TMEM164: variants seen among roughly 807,000 people sequenced by gnomAD.
The protein encoded by TMEM164 is transmembrane protein 164.
Under a neutral mutation model 18.8 loss-of-function variants are expected in TMEM164, and 4 were observed. The ratio of observed to expected loss-of-function variants is 0.21; its 90% CI spans 0.10 to 0.49. TMEM164 has a LOEUF of 0.49. Ranked by LOEUF, TMEM164 falls within the 20% of genes least tolerant of loss-of-function variation. The pLI is 0.98. For missense variants in TMEM164, 108 were observed against 239.9 expected (o/e 0.45, Z 3.63); for synonymous variants, 86 against 101.7 (o/e 0.85, Z 0.93).
intron 3 of TMEM164, among the ~76,000 whole-genome samples, chrX:110,098,272 T>C (rs1054297908): frequency 1.2e-4 from 13 of 111,817 alleles, no homozygotes; most frequent in Admixed American, 8.6e-4. Flanking sequence ...TGGTTTTCCA[T>C]GGTCTGTAGG....
intron 5 of TMEM164, among the ~76,000 whole-genome samples, 175 bp downstream of exon 5, chrX:110,145,051 C>T (rs973819935): frequency 9.0e-6 from 1 of 110,904 alleles, no homozygotes; most frequent in African/African-American, 3.3e-5. Context: ...ATGGACGAGG[C>T]CTGCAAGGGG....
At chrX:110,124,452 C>A (rs2066501823) in intron 4 of TMEM164, among the ~76,000 whole-genome samples, 4 of 111,037 alleles carry the variant, frequency 3.6e-5, no homozygotes, top group African/African-American at 9.8e-5. Context: ...ACGCCTAGGA[C>A]CTTGAGTGGA....
downstream of TMEM164, among the ~76,000 whole-genome samples, chrX:110,180,781 C>CT (rs1434969077): frequency 9.0e-6 from 1 of 111,368 alleles, no homozygotes; most frequent in African/African-American, 3.3e-5. Context: ...CAGAGCTGTT[C>CT]TCCTGTCCAA....
At chrX:110,146,115 C>A (rs926115313) in intron 5 of TMEM164, among the ~76,000 whole-genome samples, 2 of 112,211 alleles carry the variant, frequency 1.8e-5, no homozygotes, top group Non-Finnish European at 3.8e-5. Context: ...CAGGTCTGTC[C>A]CCTGTGGCAC....
Position 110,124,188 on chromosome X carries a change from C to CAGGA in TMEM164, c.507+15045_507+15046insAAGG, listed in dbSNP as rs1470962889. The stretch of plus-strand genomic sequence containing the variant: ...GAAGGAAGGAAGGAAGGCAGGAAGG[C>CAGGA]AGGCAGGCAGGCAGGCAGGCAGGAA... On this transcript the variant is annotated intron_variant, in intron 4 of 6. Transcript: ENST00000372068. Among the ~76,000 whole-genome samples, 572 of 72,654 alleles carry CAGGA rather than the reference C, an allele frequency of 7.9e-3. 4 individuals are homozygous for CAGGA. The highest frequency in any genetic ancestry group is 0.03 in the Middle Eastern group (4 of 135). 63.1% of individuals were successfully genotyped at this position (72,654 alleles called of 115,157 possible). A position where few individuals can be genotyped will look rare whatever the true frequency, so the allele number is the denominator to read the frequency against.
intron 2 of TMEM164, among the ~76,000 whole-genome samples, chrX:110,064,178 G>C (rs887200925): frequency 1.8e-5 from 2 of 111,713 alleles, no homozygotes; most frequent in African/African-American, 3.3e-5. Flanking sequence ...TGCTGAGCTG[G>C]GCAGATGTCA....
chrX:110,111,808 A>G (rs2066293662), intron 4 of TMEM164, among the ~76,000 whole-genome samples: 1 of 112,181 alleles, frequency 8.9e-6, no homozygotes, highest in Admixed American at 9.5e-5. Flanking sequence ...ACATACCTGA[A>G]ATCAGTTAGA....
chrX:110,037,229 G>A (rs1934850637), intron 2 of TMEM164, among the ~76,000 whole-genome samples: 1 of 111,449 alleles, frequency 9.0e-6, no homozygotes, highest in Non-Finnish European at 1.9e-5. Context: ...GATAAAGGCA[G>A]AGTACAATAA....
intron 2 of TMEM164, among the ~76,000 whole-genome samples, chrX:110,009,480 G>T (rs939491656): frequency 7.2e-5 from 7 of 97,758 alleles, no homozygotes; most frequent in African/African-American, 2.5e-4. Context: ...TTTTGTTTTT[G>T]CATGTTTCTT....
intron 2 of TMEM164, among the ~76,000 whole-genome samples, chrX:110,058,882 C>T (rs1325842266): frequency 9.2e-6 from 1 of 109,061 alleles, no homozygotes; most frequent in African/African-American, 3.3e-5. Flanking sequence ...CTGCCTGCCT[C>T]GGCCTCCCAA....
chrX:110,163,246 C>T (rs2067115729), intron 5 of TMEM164, among the ~76,000 whole-genome samples: 1 of 112,167 alleles, frequency 8.9e-6, no homozygotes, highest in South Asian at 3.7e-4. Flanking sequence ...TATACCAGTG[C>T]TGTCCAATAA....
At chrX:110,014,334 C>T (rs1435723787) in intron 2 of TMEM164, among the ~76,000 whole-genome samples, 1 of 111,255 alleles carries the variant, frequency 9.0e-6, no homozygotes, top group Non-Finnish European at 1.9e-5. Context: ...ATGCAGTGGG[C>T]AAAGGTATTG....
At chrX:110,069,570 C>CTTTTTTTTTTTTTTT (rs72102436) in intron 3 of TMEM164, among the ~76,000 whole-genome samples, 1 of 91,467 alleles carries the variant, frequency 1.1e-5, no homozygotes, top group Non-Finnish European at 2.2e-5. Flanking sequence ...TTTATATTGA[C>CTTTTTTTTTTTTTTT]TTTTTTTTTT....
chrX:110,110,752 G>T (rs2066280087), intron 4 of TMEM164, among the ~76,000 whole-genome samples: 1 of 112,219 alleles, frequency 8.9e-6, no homozygotes, highest in East Asian at 2.8e-4. Context: ...CCAATGCAGG[G>T]GTCCTTAGAC....
intron 5 of TMEM164, among the ~76,000 whole-genome samples, chrX:110,146,252 A>C (rs1209966163): frequency 1.8e-5 from 2 of 112,221 alleles, no homozygotes; most frequent in Non-Finnish European, 3.8e-5. Flanking sequence ...GTGTGATGGA[A>C]GTCCTAGCCA....
At chrX:110,143,781 TTGTC>T (rs1341916531) in intron 4 of TMEM164, among the ~76,000 whole-genome samples, 1 of 109,344 alleles carries the variant, frequency 9.1e-6, no homozygotes, top group Non-Finnish European at 1.9e-5. Context: ...CTGGGTGCCT[TTGTC>T]TGTCCTGGCA....
chrX:110,118,774 G>A (rs2066408097), intron 4 of TMEM164, among the ~76,000 whole-genome samples: 2 of 111,188 alleles, frequency 1.8e-5, no homozygotes, highest in Admixed American at 1.9e-4. Context: ...TGTAGAGCAT[G>A]GATAGAGATC....
intron 3 of TMEM164, among the ~76,000 whole-genome samples, chrX:110,076,035 A>T: frequency 9.7e-6 from 1 of 103,470 alleles, no homozygotes. Flanking sequence ...TGTAATAGTA[A>T]GATTGGTGCC....
chrX:110,009,904 A>C (rs1018872635), intron 2 of TMEM164, among the ~76,000 whole-genome samples: 4 of 109,924 alleles, frequency 3.6e-5, no homozygotes, highest in African/African-American at 1.3e-4. Context: ...GAGGCAGGAG[A>C]ATCGCTTGAA....
Sources: gnomAD v4.1 joint callset for allele counts (sites outside exome capture counted in the v4.1 genomes callset) on GRCh38, gnomAD v4.1.1 for gene constraint, MANE v1.5 for transcripts, NCBI Gene and HGNC (gene_info 2026-07-23, HGNC 2026-07-21) for gene names.